Variants in PLXNA3 observed in about 807,000 individuals in gnomAD.
PLXNA3 encodes the protein plexin-A3.
In PLXNA3, 52 loss-of-function variants were observed where a neutral mutation model predicts 118.8. The ratio of observed to expected loss-of-function variants is 0.44; its 90% CI spans 0.35 to 0.55. The LOEUF is 0.55. Ranked by LOEUF, PLXNA3 falls within the 20% of genes least tolerant of loss-of-function variation. The pLI, the probability that PLXNA3 is intolerant of heterozygous loss-of-function variation, is 0.01. For synonymous variants in PLXNA3, 925 were observed against 762.4 expected, an observed-to-expected ratio of 1.21 and a Z score of -3.51; for missense variants, 1,660 against 1,730.8, an observed-to-expected ratio of 0.96 and a Z score of 0.73.
rs143622764 is a variant in PLXNA3, at chrX:154,468,171, G to A, written c.3910G>A (p.Val1304Met). The A allele has an allele frequency of 2.3e-4, 271 of 1,186,068 alleles. No individual in the cohort carries two copies. The highest frequency in any genetic ancestry group is 2.9e-4 in the Non-Finnish European group (258 of 882,064). The change falls in exon 22 of 33, where the codon GTG becomes ATG. Residue 1304 changes from valine (V) to methionine (M), a missense_variant. Physicochemically the swap from Val to Met is conservative, Grantham distance 21. Coordinates refer to ENST00000369682, the MANE Select transcript of PLXNA3 (RefSeq NM_017514.5). ...IPFLDYRTYA[V>M]RVLFPGIEAH... The stretch of plus-strand genomic sequence containing the variant: ...CTTCCTGGACTACCGGACTTACGCC[G>A]TGCGCGTGCTCTTCCCGGGCATCGA...
At chrX:154,460,124 G>A in intron 1 of PLXNA3, 33 bp from the exon 2 acceptor site, 1 of 809,797 alleles carries the variant, frequency 1.2e-6, no homozygotes, top group Non-Finnish European at 1.8e-6. Context: ...TGTGGCTCGA[G>A]GCCTCTGACT....
chrX:154,467,939 T>G lies in PLXNA3; in HGVS notation c.3758T>G (p.Leu1253Arg). ...KRKTQDADRTLKRLQLQMDNL... is the reference protein window; with the variant it reads ...KRKTQDADRTRKRLQLQMDNL... ...AAGACTCAGGACGCGGACCGTACCC[T>G]CAAGCGTCTGCAGCTGCAGATGGAC... The change falls in exon 21 of 33, where the codon CTC becomes CGC. Residue 1253 changes from leucine (L) to arginine (R), a missense_variant. Leu to Arg is a moderately radical substitution (Grantham distance 102). This residue lies in a region of PLXNA3 where 869 missense variants were observed against 1,078.7 expected (regional missense o/e 0.81). Transcript: ENST00000369682. The G allele has an allele frequency of 8.3e-7, 1 of 1,210,695 alleles. No individual in the cohort carries two copies. Among genetic ancestry groups the G allele is most frequent in the East Asian group, 3.0e-5 (1 of 33,824 alleles).
chrX:154,461,697 G>C, intron 3 of PLXNA3, 59 bp downstream of exon 3: 2 of 1,068,003 alleles, frequency 1.9e-6, no homozygotes, highest in African/African-American at 1.8e-5. Context: ...ACCATGCCCA[G>C]CGTGGGCTCA....
intron 1 of PLXNA3, among the ~76,000 whole-genome samples, chrX:154,458,721 G>T (rs1440856340): frequency 1.1e-4 from 12 of 110,364 alleles, no homozygotes; most frequent in Non-Finnish European, 1.5e-4. Flanking sequence ...ATGGGGCCCG[G>T]GCAAACCGGA....
At position 154,474,822 on chromosome X, in the gene PLXNA3, C is replaced by T. The variant is rs1603395997; in HGVS notation, c.*2137C>T. ...TTTTTTTTTTGGAGACGGGATCTTG[C>T]CCTGTTGCCCACGCTGGAGTGCAGT... On this transcript the variant is annotated 3_prime_UTR_variant, in exon 33 of 33. Transcript: ENST00000369682. 1 of 86,469 alleles carries T rather than the reference C, an allele frequency of 1.2e-5. No individual in the cohort carries two copies. Among genetic ancestry groups the T allele is most frequent in the Admixed American group, 1.4e-4 (1 of 7,294 alleles). The allele number at this position is 86,469 out of a possible 1,213,427, so 7.1% of individuals were successfully genotyped here.
At position 154,465,010 on chromosome X, in the gene PLXNA3, C is replaced by T. The variant is rs782417721; in HGVS notation, c.2044-8C>T. The T allele has an allele frequency of 1.6e-5, 19 of 1,183,389 alleles. No individual in the cohort carries two copies. The highest frequency in any genetic ancestry group is 6.1e-5 in the East Asian group (2 of 32,544). On this transcript the variant is annotated splice_region_variant and splice_polypyrimidine_tract_variant and intron_variant, in intron 10 of 32. Transcript: ENST00000369682. ...CCTGTGTGCAGCTGACAGGTGCTTTCCCCGCAGGGCTGCCCTGAGATCCTG... is the reference window on the plus strand; with the variant it reads ...CCTGTGTGCAGCTGACAGGTGCTTTTCCCGCAGGGCTGCCCTGAGATCCTG...
At position 154,462,202 on chromosome X, in the gene PLXNA3, G is replaced by A. The variant is rs1297448907; in HGVS notation, c.1209G>A (p.Gly403=). Residue 403 remains glycine, a synonymous_variant, in exon 4 of 33, where the codon GGG becomes GGA. Transcript: ENST00000369682. The part of the protein sequence containing the change: ...QPLGGLHVIE[G]LPLLADSTDG... ...TGGGAGGCCTGCATGTGATCGAGGG[G>A]CTGCCCCTGCTGGCCGACAGCACCG... 1.7e-6 allele frequency: 2 copies of A among 1,202,696 alleles called. No individual in the cohort carries two copies. The highest frequency in any genetic ancestry group is 2.2e-5 in the Admixed American group (1 of 45,266).
intron 1 of PLXNA3, among the ~76,000 whole-genome samples, chrX:154,459,882 GCATCTGGGGTCC>G (rs1233457601): frequency 8.8e-6 from 1 of 113,307 alleles, no homozygotes; most frequent in African/African-American, 3.2e-5. Context: ...CTGAGATGTG[GCATCTGGGGTCC>G]CAGTTCCAGC....
rs782123529 is a variant in PLXNA3, at chrX:154,461,652, C to T, written c.1134+14C>T. 4 of 1,169,932 alleles carry T rather than the reference C, an allele frequency of 3.4e-6. No individual in the cohort carries two copies. Among genetic ancestry groups the T allele is most frequent in the South Asian group, 1.9e-5 (1 of 52,715 alleles). On this transcript the variant is annotated intron_variant, in intron 3 of 32. Coordinates refer to ENST00000369682, the MANE Select transcript of PLXNA3 (RefSeq NM_017514.5). ...TGCATCAACACCGTGAGCCCCTCAT[C>T]ACCCCACACTGGTCCTCTGCCCTGT...
chrX:154,467,106 G>A lies in PLXNA3; in HGVS notation c.3157G>A (p.Glu1053Lys), dbSNP rs1557207414. ...TGGGACCCACCTGCTGACGGTCCAGGAGCCCCGGGTCCGTGCCAAGTACCG... is the reference window on the plus strand; with the variant it reads ...TGGGACCCACCTGCTGACGGTCCAGAAGCCCCGGGTCCGTGCCAAGTACCG... Reference protein sequence around the residue: ...VSGTHLLTVQEPRVRAKYRGI... With the variant: ...VSGTHLLTVQKPRVRAKYRGI... Residue 1053 changes from glutamate (E) to lysine (K), a missense_variant, in exon 18 of 33, where the codon GAG (glutamate) becomes AAG (lysine). Physicochemically the swap from Glu to Lys is moderately conservative, Grantham distance 56. This residue lies in a region of PLXNA3 where 869 missense variants were observed against 1,078.7 expected (regional missense o/e 0.81). Coordinates refer to ENST00000369682, the MANE Select transcript of PLXNA3 (RefSeq NM_017514.5). 2 of 1,210,553 alleles carry A rather than the reference G, an allele frequency of 1.7e-6. No individual in the cohort carries two copies. Among genetic ancestry groups the A allele is most frequent in the African/African-American group, 3.5e-5 (2 of 57,741 alleles).
chrX:154,471,048 G>A, intron 30 of PLXNA3, 57 bp from the exon 31 acceptor site: 2 of 1,029,763 alleles, frequency 1.9e-6, no homozygotes, highest in Non-Finnish European at 2.7e-6. Context: ...GCACATGGGA[G>A]GGGCCCCTTG....
In PLXNA3 at chrX:154,464,749, C is replaced by A. The variant is rs782327530; in HGVS notation, c.1929-5C>A. ...CTGTTATTTCTGAAGCCACTTCCCCCCCAGGTGCATGTCCTGTGTTGGCAG... is the reference window on the plus strand; with the variant it reads ...CTGTTATTTCTGAAGCCACTTCCCCACCAGGTGCATGTCCTGTGTTGGCAG... On this transcript the variant is annotated splice_polypyrimidine_tract_variant and splice_region_variant and intron_variant, in intron 9 of 32. Transcript: ENST00000369682. 6 of 1,141,553 alleles carry A rather than the reference C, an allele frequency of 5.3e-6. No homozygotes were observed. The highest frequency in any genetic ancestry group is 2.5e-5 in the Admixed American group (1 of 39,954). The allele number at this position is 1,141,553 out of a possible 1,213,427, so 94.1% of individuals were successfully genotyped here.
In PLXNA3 at chrX:154,472,714, C is replaced by T; in HGVS notation, c.*29C>T. On this transcript the variant is annotated 3_prime_UTR_variant, in exon 33 of 33. Coordinates refer to ENST00000369682, the MANE Select transcript of PLXNA3 (RefSeq NM_017514.5). ...GGTGGAATCGGTGAGGAGGGGGCTT[C>T]TCAGTCCTGTGCCGTCCTCCCATCC... The T allele has an allele frequency of 9.5e-7, 1 of 1,054,861 alleles. No individual in the cohort carries two copies. Among genetic ancestry groups the T allele is most frequent in the South Asian group, 1.9e-5 (1 of 53,513 alleles). 86.9% of individuals were successfully genotyped at this position (1,054,861 alleles called of 1,213,427 possible). A position where few individuals can be genotyped will look rare whatever the true frequency, so the allele number is the denominator to read the frequency against.
At position 154,460,187 on chromosome X, in the gene PLXNA3, C is replaced by A. The variant is rs912596332; in HGVS notation, c.4C>A (p.Pro2Thr). ...TCCCCAGGCGCGGCTGCCGGCCATG[C>A]CCTCTGTCTGCCTCCTCCTGCTGCT... M[P>T]SVCLLLLLFL... is the part of the protein sequence containing the mutation. The change falls in exon 2 of 33, where the codon CCC becomes ACC. Residue 2 changes from proline (P) to threonine (T), a missense_variant. Physicochemically the swap from Pro to Thr is conservative, Grantham distance 38 (BLOSUM62 -1). Around this residue, in one of 2 missense-constraint regions of PLXNA3, gnomAD observed 791 missense variants for 652.1 expected, o/e 1.21. Coordinates refer to ENST00000369682, the MANE Select transcript of PLXNA3 (RefSeq NM_017514.5). The A allele has an allele frequency of 1.7e-6, 2 of 1,197,363 alleles. No individual in the cohort carries two copies. Among genetic ancestry groups the A allele is most frequent in the Non-Finnish European group, 2.3e-6 (2 of 884,887 alleles).
At position 154,474,577 on chromosome X, in the gene PLXNA3, A is replaced by C. The variant is rs2069222815; in HGVS notation, c.*1892A>C. 9.5e-6 allele frequency: 1 copy of C among 105,398 alleles called. No homozygotes were observed. The highest frequency in any genetic ancestry group is 1.9e-5 in the Non-Finnish European group (1 of 51,461). The allele number at this position is 105,398 out of a possible 1,213,427, so 8.7% of individuals were successfully genotyped here. ...ACTGCAAGCTCCGCCTCCCAGGTTC[A>C]CGCCATTCTCCTGCCTCAGCCTCCC... On this transcript the variant is annotated 3_prime_UTR_variant, in exon 33 of 33. Transcript: ENST00000369682.
intron 9 of PLXNA3, 115 bp from the exon 10 acceptor site, chrX:154,464,639 C>G (rs1557206294): frequency 2.9e-6 from 2 of 690,469 alleles, no homozygotes; most frequent in South Asian, 2.7e-5. Flanking sequence ...ATCCCCACAT[C>G]TCTCTGTCCC....
chrX:154,463,180 G>A (rs940308091), intron 4 of PLXNA3, among the ~76,000 whole-genome samples: 1 of 110,879 alleles, frequency 9.0e-6, no homozygotes. Flanking sequence ...CTGACCTTGG[G>A]CAACACGAAT....
Position 154,465,405 on chromosome X carries a change from A to C in PLXNA3, c.2245-19A>C. The C allele has an allele frequency of 8.5e-7, 1 of 1,172,985 alleles. No homozygotes were observed. The highest frequency in any genetic ancestry group is 1.2e-6 in the Non-Finnish European group (1 of 861,252). Reference sequence around the variant, plus strand: ...TTCTGCACATCTTATCTGGGGTCCCATGGGTTCCTTTCCTCCAGTACTCCT... The same window carrying C: ...TTCTGCACATCTTATCTGGGGTCCCCTGGGTTCCTTTCCTCCAGTACTCCT... On this transcript the variant is annotated intron_variant, in intron 11 of 32. Coordinates refer to ENST00000369682, the MANE Select transcript of PLXNA3 (RefSeq NM_017514.5).
At chrX:154,464,697 G>T (rs1248172720) in intron 9 of PLXNA3, 57 bp from the exon 10 acceptor site, 2 of 834,976 alleles carry the variant, frequency 2.4e-6, no homozygotes, top group Non-Finnish European at 3.4e-6. Context: ...TCCTATTGGG[G>T]AGCAGTGAGG....
Sources: gnomAD v4.1 joint callset for allele counts (sites outside exome capture counted in the v4.1 genomes callset) on GRCh38, gnomAD v4.1.1 for gene constraint, gnomAD v4.1.1 regional missense constraint, MANE v1.5 for transcripts, NCBI Gene and HGNC (gene_info 2026-07-23, HGNC 2026-07-21) for gene names.